VPS35L: variants seen among roughly 807,000 people sequenced by gnomAD.
VPS35L encodes the protein VPS35 endosomal protein-sorting factor-like.
A neutral mutation model predicts 133.0 loss-of-function variants in VPS35L; 83 were observed. The observed-to-expected ratio is 0.62, with a 90% confidence interval of 0.52 to 0.75. The LOEUF is 0.75. VPS35L is among the 30% of genes least tolerant of loss of function. VPS35L has a pLI of 0.00. For missense variants in VPS35L, 1,083 were observed against 1,206.8 expected, an observed-to-expected ratio of 0.90 and a Z score of 1.52; for synonymous variants, 423 against 449.9, an observed-to-expected ratio of 0.94 and a Z score of 0.76.
chr16:19,616,123 G>A lies in VPS35L; in HGVS notation c.1033G>A (p.Glu345Lys), dbSNP rs768648306. 1 of 1,613,062 alleles carries A rather than the reference G, an allele frequency of 6.2e-7. No homozygotes were observed. The highest frequency in any genetic ancestry group is 8.5e-7 in the Non-Finnish European group (1 of 1,179,314). Residue 345 changes from glutamate (E) to lysine (K), a missense_variant, in exon 13 of 31, where the codon GAA becomes AAA. Transcript: ENST00000417362. ...ARAYLCRVGM[E>K]VAPHLKETLN... ...ATTTGTCTGGCTGCAGGTGGGAATG[G>A]AAGTGGCCCCACATCTCAAAGAAAC...
At chr16:19,667,206 G>A (rs1334811747) in intron 26 of VPS35L, among the ~76,000 whole-genome samples, 7 of 151,680 alleles carry the variant, frequency 4.6e-5, no homozygotes, top group Non-Finnish European at 8.8e-5. Context: ...TCAAGTGATC[G>A]ACCCACTGGC....
chr16:19,561,923 T>G (rs749449423), intron 1 of VPS35L, among the ~76,000 whole-genome samples: 2 of 151,932 alleles, frequency 1.3e-5, no homozygotes, highest in African/African-American at 4.8e-5. Flanking sequence ...TTGGCCAACA[T>G]GGTGAAACCC....
chr16:19,694,414 C>A (rs898891080), intron 29 of VPS35L: 1 of 152,124 alleles, frequency 6.6e-6, no homozygotes, highest in Non-Finnish European at 1.5e-5. Context: ...TAATGGAAGC[C>A]CATCACCTTT....
chr16:19,596,732 G>GA (rs1207151672), intron 8 of VPS35L, among the ~76,000 whole-genome samples: 1 of 151,688 alleles, frequency 6.6e-6, no homozygotes, highest in Non-Finnish European at 1.5e-5. Flanking sequence ...TCTGTGAAAT[G>GA]AAAAGGCTGG....
intron 26 of VPS35L, among the ~76,000 whole-genome samples, chr16:19,667,732 T>TG (rs1178773783): frequency 7.2e-6 from 1 of 139,280 alleles, no homozygotes; most frequent in East Asian, 2.0e-4. Context: ...AGACCCTGTC[T>TG]GGAAAAAAAA....
At chr16:19,613,159 C>T (rs751712716) in intron 12 of VPS35L, among the ~76,000 whole-genome samples, 5 of 152,082 alleles carry the variant, frequency 3.3e-5, no homozygotes, top group African/African-American at 7.2e-5. Flanking sequence ...AAAAATTAGC[C>T]GGGCGTGGTG....
intron 29 of VPS35L, among the ~76,000 whole-genome samples, 192 bp downstream of exon 29, chr16:19,691,663 G>A (rs971299180): frequency 2.0e-5 from 3 of 152,064 alleles, no homozygotes; most frequent in African/African-American, 7.2e-5. Context: ...CCTCCCCCAG[G>A]GCTTCCCCTG....
chr16:19,627,258 G>A (rs1314145546), intron 15 of VPS35L, among the ~76,000 whole-genome samples: 1 of 149,846 alleles, frequency 6.7e-6, no homozygotes, highest in Non-Finnish European at 1.5e-5. Flanking sequence ...TCCAGCCTGG[G>A]CAACAAAGTG....
Position 19,588,824 on chromosome 16 carries a change from G to C in VPS35L, c.640-2966G>C, listed in dbSNP as rs148793423. On this transcript the variant is annotated intron_variant, in intron 7 of 30. Transcript: ENST00000417362. ...CTATACCTAAGAGTAGAACTGCTCT[G>C]TGCCTCTTCAGCTTTTCCAGATAAT... Among the ~76,000 whole-genome samples, 10 of 152,304 alleles carry C rather than the reference G, an allele frequency of 6.6e-5. No homozygotes were observed. The East Asian group carries it at 1.2e-3, about 18-fold the overall frequency.
intron 4 of VPS35L, among the ~76,000 whole-genome samples, chr16:19,574,286 T>C (rs1198937262): frequency 6.6e-6 from 1 of 152,172 alleles, no homozygotes; most frequent in Non-Finnish European, 1.5e-5. Flanking sequence ...CACATTCATG[T>C]TGGTAGACAG....
intron 1 of VPS35L, among the ~76,000 whole-genome samples, chr16:19,556,511 T>C (rs1489688268): frequency 1.3e-5 from 2 of 152,148 alleles, no homozygotes; most frequent in Non-Finnish European, 2.9e-5. Context: ...AGGTGGTATG[T>C]GTGTGAGTGA....
chr16:19,693,287 C>CGG (rs201539898), intron 29 of VPS35L, among the ~76,000 whole-genome samples: 1 of 151,040 alleles, frequency 6.6e-6, no homozygotes, highest in Non-Finnish European at 1.5e-5. Context: ...GTGTGTGTTG[C>CGG]GGGGGGGCAG....
At chr16:19,570,160 G>T (rs1036071829) in intron 3 of VPS35L, among the ~76,000 whole-genome samples, 3 of 152,170 alleles carry the variant, frequency 2.0e-5, no homozygotes, top group South Asian at 4.1e-4. Flanking sequence ...CCGACTCCGG[G>T]TTCAAGCAAT....
intron 27 of VPS35L, among the ~76,000 whole-genome samples, chr16:19,675,483 G>A (rs1281351989): frequency 6.6e-6 from 1 of 152,120 alleles, no homozygotes; most frequent in Non-Finnish European, 1.5e-5. Context: ...GTTTGGATAT[G>A]TACCCAGAAG....
chr16:19,681,920 G>A (rs1975294001), intron 27 of VPS35L, among the ~76,000 whole-genome samples: 1 of 152,022 alleles, frequency 6.6e-6, no homozygotes, highest in South Asian at 2.1e-4. Context: ...AAATAAGAGT[G>A]TAATTTTGGA....
chr16:19,647,851 A>C lies in VPS35L; in HGVS notation c.1997A>C (p.Asn666Thr). The C allele has an allele frequency of 6.2e-7, 1 of 1,614,100 alleles. No individual in the cohort carries two copies. The highest frequency in any genetic ancestry group is 8.5e-7 in the Non-Finnish European group (1 of 1,180,004). The change falls in exon 24 of 31, where the codon AAT becomes ACT. Residue 666 changes from asparagine to threonine, a missense_variant. Transcript: ENST00000417362. ...FYVESRSMFCNLEPVLVQLIH... is the reference protein window; with the variant it reads ...FYVESRSMFCTLEPVLVQLIH... ...GTTGAGTCCAGGTCGATGTTTTGCAATCTGGAGCCTGTTCTTGTGCAGTTG... is the reference window on the plus strand; with the variant it reads ...GTTGAGTCCAGGTCGATGTTTTGCACTCTGGAGCCTGTTCTTGTGCAGTTG...
chr16:19,665,074 T>G (rs1974619329), intron 26 of VPS35L, among the ~76,000 whole-genome samples: 1 of 152,156 alleles, frequency 6.6e-6, no homozygotes. Context: ...TGTATATATT[T>G]ACAAGGTACA....
intron 18 of VPS35L, 145 bp downstream of exon 18, chr16:19,629,965 G>A (rs1029655421): frequency 1.3e-5 from 9 of 700,614 alleles, no homozygotes; most frequent in East Asian, 5.5e-5. Flanking sequence ...ATAATAAAGC[G>A]TGATGGAGCA....
intron 26 of VPS35L, among the ~76,000 whole-genome samples, chr16:19,664,652 G>A (rs960907193): frequency 3.3e-5 from 5 of 151,846 alleles, no homozygotes; most frequent in African/African-American, 9.7e-5. Flanking sequence ...TGTAATCCCA[G>A]CACTTTGGGA....
Sources: gnomAD v4.1 joint callset for allele counts (sites outside exome capture counted in the v4.1 genomes callset) on GRCh38, gnomAD v4.1.1 for gene constraint, MANE v1.5 for transcripts, NCBI Gene and HGNC (gene_info 2026-07-23, HGNC 2026-07-21) for gene names.